Variants in ABCA5 observed in about 807,000 individuals in gnomAD.
ABCA5 encodes the protein cholesterol transporter ABCA5.
Under a neutral mutation model 206.0 loss-of-function variants are expected in ABCA5, and 163 were observed. The ratio of observed to expected loss-of-function variants is 0.79; its 90% confidence interval spans 0.70 to 0.90. ABCA5 has a LOEUF of 0.90. ABCA5 is among the 40% of genes least tolerant of loss of function. ABCA5 has a pLI of 0.00. For missense variants in ABCA5, 1,859 were observed against 1,912.9 expected (o/e 0.97, Z 0.53); for synonymous variants, 609 against 613.8 (o/e 0.99, Z 0.11).
At chr17:69,297,442 G>C (rs941559912) in intron 9 of ABCA5, 83 bp from the exon 10 acceptor site, 2 of 1,273,106 alleles carry the variant, frequency 1.6e-6, no homozygotes, top group African/African-American at 3.0e-5. Context: ...ATGACAACCT[G>C]CATCTAAAGT....
intron 11 of ABCA5, among the ~76,000 whole-genome samples, chr17:69,291,852 C>T (rs928419169): frequency 1.3e-5 from 2 of 152,114 alleles, no homozygotes; most frequent in African/African-American, 4.8e-5. Context: ...GTGGCTCGTG[C>T]CTGTAATCCC....
chr17:69,293,831 C>T (rs1007731840), intron 11 of ABCA5, among the ~76,000 whole-genome samples: 1 of 124,610 alleles, frequency 8.0e-6, no homozygotes, highest in East Asian at 2.3e-4. Flanking sequence ...TACAATCATA[C>T]TGGTGTGTGT....
chr17:69,253,862 G>A lies in ABCA5; in HGVS notation c.4252C>T (p.His1418Tyr). 6.2e-7 allele frequency: 1 copy of A among 1,609,522 alleles called. No homozygotes were observed. Among genetic ancestry groups the A allele is most frequent in the Non-Finnish European group, 8.5e-7 (1 of 1,177,952 alleles). ...AGATGTTCTTTTAAATCAAGTGCAT[G>A]TGTTATTCTGCAAAATGAACAATAC... is the stretch of plus-strand genomic sequence containing the variant. ...DMKEVISRIT[H>Y]ALDLKEHLQK... Residue 1418 changes from histidine (H) to tyrosine (Y), a missense_variant, in exon 33 of 39, where the codon CAT becomes TAT. Physicochemically the swap from His to Tyr is moderately conservative, Grantham distance 83 (BLOSUM62 2). Coordinates refer to ENST00000392676, the MANE Select transcript of ABCA5 (RefSeq NM_172232.4).
chr17:69,314,176 G>T, intron 2 of ABCA5, 138 bp downstream of exon 2: 1 of 401,786 alleles, frequency 2.5e-6, no homozygotes. Flanking sequence ...GGCTAACATG[G>T]CAAGCTTTTA....
intron 9 of ABCA5, among the ~76,000 whole-genome samples, chr17:69,299,471 TACACAC>T (rs71144671): frequency 5.6e-5 from 8 of 142,398 alleles, no homozygotes; most frequent in African/African-American, 2.1e-4. Flanking sequence ...CACACACACA[TACACAC>T]ACACACACAC....
chr17:69,290,492 A>G (rs1239084935), intron 12 of ABCA5, among the ~76,000 whole-genome samples: 1 of 152,132 alleles, frequency 6.6e-6, no homozygotes. Flanking sequence ...AATAGTGAAA[A>G]TTAAAACAAT....
At position 69,264,849 on chromosome 17, in the gene ABCA5, A is replaced by G; in HGVS notation, c.3201T>C (p.Ile1067=). Residue 1067 remains isoleucine (I), a synonymous_variant, in exon 24 of 39, where the codon ATT becomes ATC. Transcript: ENST00000392676. ...AGGGGATATCAACAACAGCTTGTCC[A>G]ATCCAATATGCAGATGGCAAAAGAC... ...LSGLLPSAYW[I]GQAVVDIPLF... The G allele has an allele frequency of 6.3e-7, 1 of 1,595,388 alleles. No individual in the cohort carries two copies. The highest frequency in any genetic ancestry group is 8.5e-7 in the Non-Finnish European group (1 of 1,171,638).
At chr17:69,256,651 T>C (rs1007932228) in intron 28 of ABCA5, among the ~76,000 whole-genome samples, 2 of 151,672 alleles carry the variant, frequency 1.3e-5, no homozygotes, top group Non-Finnish European at 2.9e-5. Context: ...AGACAGGGTT[T>C]CACCATGTTG....
Position 69,306,810 on chromosome 17 carries a change from A to G in ABCA5, c.703T>C (p.Phe235Leu). The change falls in exon 6 of 39, where the codon TTT becomes CTT. Residue 235 changes from phenylalanine to leucine, a missense_variant. By Grantham distance (22) the Phe-to-Leu change is conservative. Coordinates refer to ENST00000392676, the MANE Select transcript of ABCA5 (RefSeq NM_172232.4). Reference sequence around the variant, plus strand: ...TCTGCTACGATATGAATTGCCAAAAAGTATCCAAAAGGTGAAAATGCTATA... The same window carrying G: ...TCTGCTACGATATGAATTGCCAAAAGGTATCCAAAAGGTGAAAATGCTATA... ...LVIAFSPFGY[F>L]LAIHIVAEKE... 1 of 1,597,482 alleles carries G rather than the reference A, an allele frequency of 6.3e-7. No individual in the cohort carries two copies. Among genetic ancestry groups the G allele is most frequent in the Non-Finnish European group, 8.5e-7 (1 of 1,171,754 alleles).
In ABCA5 at chr17:69,297,373, A is replaced by G. The variant is rs187066409; in HGVS notation, c.1268-14T>C. The G allele has an allele frequency of 1.6e-4, 257 of 1,577,106 alleles. No homozygotes were observed. In the African/African-American group the frequency reaches 2.9e-3, roughly 18 times the overall value. ...AGCCAAATTCCCCTGAAAAATAAAC[A>G]TTAAAAAACTGAGTTACCATAATTA... On this transcript the variant is annotated splice_polypyrimidine_tract_variant and intron_variant, in intron 9 of 38. Transcript: ENST00000392676.
intron 28 of ABCA5, among the ~76,000 whole-genome samples, chr17:69,256,993 T>C (rs2075090474): frequency 6.6e-6 from 1 of 151,930 alleles, no homozygotes; most frequent in African/African-American, 2.4e-5. Flanking sequence ...TTTTTAGGGA[T>C]AGACAGAGGA....
In ABCA5 at chr17:69,250,465, A is replaced by C; in HGVS notation, c.4685+7T>G. 5.6e-6 allele frequency: 9 copies of C among 1,602,820 alleles called. No homozygotes were observed. The highest frequency in any genetic ancestry group is 7.6e-6 in the Non-Finnish European group (9 of 1,176,744). On this transcript the variant is annotated splice_region_variant and intron_variant, in intron 36 of 38. Coordinates refer to ENST00000392676, the MANE Select transcript of ABCA5 (RefSeq NM_172232.4). ...AAGAAATATAACCACATTCTTTAAA[A>C]TTTTACCTTTCCTGACGGCTTGCAT...
chr17:69,273,815 G>C, intron 20 of ABCA5, 144 bp downstream of exon 20: 1 of 737,870 alleles, frequency 1.4e-6, no homozygotes, highest in Non-Finnish European at 2.0e-6. Context: ...GCATCAATAA[G>C]ATACGTATTG....
Position 69,297,193 on chromosome 17 carries a change from T to G in ABCA5, c.1434A>C (p.Ile478=). Reference sequence around the variant, plus strand: ...AATTGCCAAAGATTGAACCATACCTTATGGCTTCTTTTCCTACAAATTCTG... The same window carrying G: ...AATTGCCAAAGATTGAACCATACCTGATGGCTTCTTTTCCTACAAATTCTG... ...VSSEFVGKEA[I]RISGIQKTYR... The change falls in exon 10 of 39, where the codon ATA becomes ATC. Residue 478 remains isoleucine (I), a splice_region_variant and synonymous_variant. Coordinates refer to ENST00000392676, the MANE Select transcript of ABCA5 (RefSeq NM_172232.4). The G allele has an allele frequency of 6.2e-7, 1 of 1,610,892 alleles. No individual in the cohort carries two copies. The highest frequency in any genetic ancestry group is 8.5e-7 in the Non-Finnish European group (1 of 1,179,206).
chr17:69,312,404 A>AAT (rs1165864666), intron 3 of ABCA5, among the ~76,000 whole-genome samples: 2 of 152,164 alleles, frequency 1.3e-5, no homozygotes, highest in African/African-American at 4.8e-5. Flanking sequence ...CTCTACAAAA[A>AAT]ATATATATAT....
At chr17:69,311,247 A>G (rs2075765420) in intron 3 of ABCA5, among the ~76,000 whole-genome samples, 1 of 152,122 alleles carries the variant, frequency 6.6e-6, no homozygotes, top group Non-Finnish European at 1.5e-5. Context: ...TATTACTTAA[A>G]TGTTAATTAA....
rs1404487878 is a variant in ABCA5 at position 69,299,696 on chromosome 17, G to GGGAA, written c.1267+1439_1267+1442dup. Among the ~76,000 whole-genome samples the GGGAA allele has an allele frequency of 2.0e-5, 3 of 152,054 alleles. No individual in the cohort carries two copies. In the South Asian group the frequency reaches 6.2e-4, roughly 32 times the overall value. On this transcript the variant is annotated intron_variant, in intron 9 of 38. Coordinates refer to ENST00000392676, the MANE Select transcript of ABCA5 (RefSeq NM_172232.4). ...CGATACAATGGATTATGGGGGCTCAGGGAAAAGGTGGGAGGGGGGTGAGGG... is the reference window on the plus strand; with the variant it reads ...CGATACAATGGATTATGGGGGCTCAGGGAAGGAAAAGGTGGGAGGGGGGTGAGGG...
chr17:69,301,251 T>C lies in ABCA5; in HGVS notation c.1155A>G (p.Ser385=), dbSNP rs1308788343. The C allele has an allele frequency of 1.9e-6, 3 of 1,596,466 alleles. No homozygotes were observed. The highest frequency in any genetic ancestry group is 2.6e-6 in the Non-Finnish European group (3 of 1,176,048). ...MHLEDFNEGA[S]FSNLTAGPYP... is the part of the protein sequence containing the mutation. ...ATGGGCCTGCAGTCAAATTTGAAAA[T>C]GAAGCACCTTCATTAAAATCTTCTA... is the stretch of plus-strand genomic sequence containing the variant. Residue 385 remains serine, a synonymous_variant, in exon 9 of 39, where the codon TCA becomes TCG. Coordinates refer to ENST00000392676, the MANE Select transcript of ABCA5 (RefSeq NM_172232.4).
intron 11 of ABCA5, among the ~76,000 whole-genome samples, chr17:69,293,098 G>T (rs1019642512): frequency 6.6e-6 from 1 of 152,140 alleles, no homozygotes; most frequent in Admixed American, 6.5e-5. Flanking sequence ...ACAACTGGGA[G>T]AGGATGTTTA....
Sources: gnomAD v4.1 joint callset for allele counts (sites outside exome capture counted in the v4.1 genomes callset) on GRCh38, gnomAD v4.1.1 for gene constraint, MANE v1.5 for transcripts, NCBI Gene and HGNC (gene_info 2026-07-23, HGNC 2026-07-21) for gene names.